DPP6: variants seen among roughly 807,000 people sequenced by gnomAD.
DPP6 encodes dipeptidyl peptidase like 6, also known as A-type potassium channel modulatory protein DPP6.
Under a neutral mutation model 122.6 loss-of-function variants are expected in DPP6, and 69 were observed. The ratio of observed to expected loss-of-function variants is 0.56; its 90% CI spans 0.46 to 0.69. The LOEUF (loss-of-function observed/expected upper bound fraction) is 0.69, where lower values mean the gene tolerates loss of function less well. DPP6 is among the 30% of genes least tolerant of loss of function. DPP6 has a pLI of 0.00. For synonymous variants in DPP6, 418 were observed against 433.1 expected (o/e 0.97, Z 0.43); for missense variants, 928 against 1,116.9 (o/e 0.83, Z 2.41).
chr7:153,987,690 C>T (rs71530446), intron 1 of DPP6, among the ~76,000 whole-genome samples: 3 of 152,166 alleles, frequency 2.0e-5, no homozygotes, highest in South Asian at 2.1e-4. Flanking sequence ...ATCGGAGGAC[C>T]CAGCAGAGAG....
At chr7:153,903,570 T>C (rs1585008517) in intron 1 of DPP6, among the ~76,000 whole-genome samples, 1 of 152,276 alleles carries the variant, frequency 6.6e-6, no homozygotes, top group African/African-American at 2.4e-5. Context: ...AGATTAAGCA[T>C]TGGGCTTGCT....
intron 1 of DPP6, among the ~76,000 whole-genome samples, chr7:154,331,507 T>G (rs1410924587): frequency 6.6e-6 from 1 of 152,194 alleles, no homozygotes; most frequent in African/African-American, 2.4e-5. Context: ...GAATTCCCAC[T>G]TCAGCTGATG....
intron 1 of DPP6, among the ~76,000 whole-genome samples, chr7:154,022,174 CA>C (rs755319822): frequency 1.7e-4 from 26 of 152,066 alleles, no homozygotes; most frequent in South Asian, 4.2e-4. Context: ...AGAGGATCTA[CA>C]AAGATGCTAA....
intron 1 of DPP6, among the ~76,000 whole-genome samples, chr7:154,098,337 T>G (rs1216442257): frequency 6.6e-6 from 1 of 152,234 alleles, no homozygotes; most frequent in African/African-American, 2.4e-5. Flanking sequence ...TGCTGAACTG[T>G]GAGTCAATTA....
rs1450513215 is a variant in DPP6 at position 154,880,872 on chromosome 7, C to G, written c.2079-16C>G. 8 of 1,613,886 alleles carry G rather than the reference C, an allele frequency of 5.0e-6. 1 individual carries two copies. The South Asian group carries it at 7.7e-5, about 16-fold the overall frequency. ...GGATGTGCACTGAACCCTCTTTCCC[C>G]TCCTCGACCTCACAGGACGATGCTG... On this transcript the variant is annotated splice_polypyrimidine_tract_variant and intron_variant, in intron 20 of 25. Coordinates refer to ENST00000377770, the MANE Select transcript of DPP6 (RefSeq NM_130797.4).
At position 154,332,671 on chromosome 7, in the gene DPP6, A is replaced by G. The variant is rs140040789; in HGVS notation, c.244-113543A>G. 3.7e-3 allele frequency among the ~76,000 whole-genome samples: 556 copies of G among 152,308 alleles called. 3 individuals are homozygous for G. The highest frequency in any genetic ancestry group is 4.2e-3 in the Non-Finnish European group (289 of 68,028). On this transcript the variant is annotated intron_variant, in intron 1 of 25. Transcript: ENST00000377770. ...ACCAAGGAAATCTGGTAAATAAAGG[A>G]CAGTTGTTTGTTCATGGATCTAGGT... is the stretch of plus-strand genomic sequence containing the variant.
intron 1 of DPP6, among the ~76,000 whole-genome samples, chr7:154,206,520 C>T (rs1434593336): frequency 1.3e-5 from 2 of 152,222 alleles, no homozygotes; most frequent in Non-Finnish European, 2.9e-5. Flanking sequence ...CTGAGAAACT[C>T]TCCCAACGTG....
intron 1 of DPP6, among the ~76,000 whole-genome samples, chr7:153,958,802 G>A (rs1585090707): frequency 1.3e-5 from 2 of 151,896 alleles, no homozygotes; most frequent in East Asian, 3.9e-4. Flanking sequence ...TGTTTCCTGG[G>A]GTGTGTAGAG....
intron 7 of DPP6, among the ~76,000 whole-genome samples, chr7:154,705,040 C>T (rs1003681099): frequency 6.6e-6 from 1 of 152,128 alleles, no homozygotes; most frequent in African/African-American, 2.4e-5. Flanking sequence ...TGTGTTTAAG[C>T]ATGGATGAAC....
chr7:154,472,840 A>G (rs572937012), intron 2 of DPP6, among the ~76,000 whole-genome samples: 61 of 152,300 alleles, frequency 4.0e-4, no homozygotes, highest in African/African-American at 1.1e-3. Flanking sequence ...ATATATCATA[A>G]TGCCTCCACC....
intron 1 of DPP6, among the ~76,000 whole-genome samples, chr7:154,351,690 TAAG>T (rs1006687872): frequency 9.2e-5 from 14 of 152,126 alleles, no homozygotes; most frequent in Non-Finnish European, 4.4e-5. Context: ...AAAGCCATTT[TAAG>T]GAGGGGAAAG....
rs10668895 is a variant in DPP6 at position 154,668,197 on chromosome 7, T to TTATATATATATA, written c.681-1152_681-1141dup. ...GTGCATTCCCAGCTATGTGTATATT[T>TTATATATATATA]TATATATATATATATATATATAATA... On this transcript the variant is annotated intron_variant, in intron 6 of 25. Transcript: ENST00000377770. Among the ~76,000 whole-genome samples the TTATATATATATA allele has an allele frequency of 3.9e-3, 141 of 36,478 alleles. 7 individuals carry two copies. Among genetic ancestry groups the TTATATATATATA allele is most frequent in the Middle Eastern group, 0.043 (2 of 46 alleles). The allele number at this position is 36,478 out of a possible 152,430, so 23.9% of individuals were successfully genotyped here. A position where few individuals can be genotyped will look rare whatever the true frequency, so the allele number is the denominator to read the frequency against.
At chr7:154,398,476 A>G (rs577869757) in intron 1 of DPP6, among the ~76,000 whole-genome samples, 33 of 152,300 alleles carry the variant, frequency 2.2e-4, no homozygotes, top group Middle Eastern at 3.4e-3. Context: ...TTCGTGACCA[A>G]TCTGAACACC....
intron 1 of DPP6, among the ~76,000 whole-genome samples, chr7:154,344,747 G>T (rs1324932161): frequency 6.6e-6 from 1 of 152,060 alleles, no homozygotes; most frequent in African/African-American, 2.4e-5. Context: ...AATTAGCTGG[G>T]CGTCTTGGTG....
chr7:153,864,521 T>G, the DPP6 span, among the ~76,000 whole-genome samples: 1 of 151,750 alleles, frequency 6.6e-6, no homozygotes, highest in Non-Finnish European at 1.5e-5. Context: ...CTGGGCATGG[T>G]GGTGGGCGCC....
intron 1 of DPP6, among the ~76,000 whole-genome samples, chr7:153,930,084 G>A (rs995279985): frequency 5.9e-5 from 9 of 152,114 alleles, no homozygotes; most frequent in African/African-American, 2.2e-4. Context: ...ATAATTATTA[G>A]TCACGTGCAA....
Position 154,241,232 on chromosome 7 carries a change from G to T in DPP6, c.243+188169G>T, listed in dbSNP as rs191214643. 0.03 allele frequency among the ~76,000 whole-genome samples: 3,379 copies of T among 111,928 alleles called. 44 individuals carry two copies. The highest frequency in any genetic ancestry group is 0.052 in the African/African-American group (1,593 of 30,656). 73.4% of individuals were successfully genotyped at this position (111,928 alleles called of 152,430 possible). On this transcript the variant is annotated intron_variant, in intron 1 of 25. Coordinates refer to ENST00000377770, the MANE Select transcript of DPP6 (RefSeq NM_130797.4). The surrounding 1 kb of genome is among the most constrained non-coding windows in gnomAD (Gnocchi z 9.0). ...GTGTGTGTGTGTGTATATATATATA[G>T]AGAGAGAGAGAGACACTTTTATCCA...
At chr7:154,115,267 C>T (rs1806898661) in intron 1 of DPP6, among the ~76,000 whole-genome samples, 1 of 152,142 alleles carries the variant, frequency 6.6e-6, no homozygotes, top group Non-Finnish European at 1.5e-5. Flanking sequence ...TAAACAGAGG[C>T]CACTTAGGCA....
At chr7:154,652,300 T>G (rs1193579282) in intron 6 of DPP6, among the ~76,000 whole-genome samples, 1 of 152,160 alleles carries the variant, frequency 6.6e-6, no homozygotes, top group African/African-American at 2.4e-5. Context: ...CTTTTGTGCT[T>G]TCTAATTTAT....
Sources: gnomAD v4.1 joint callset for allele counts (sites outside exome capture counted in the v4.1 genomes callset) on GRCh38, gnomAD v4.1.1 for gene constraint, Gnocchi (gnomAD v3.1) non-coding constraint, MANE v1.5 for transcripts, NCBI Gene and HGNC (gene_info 2026-07-23, HGNC 2026-07-21) for gene names.